The following PAQR9 variants were observed in gnomAD, a reference collection of about 807,000 sequenced individuals.
The protein encoded by PAQR9 is membrane progestin receptor epsilon.
Under a neutral mutation model 24.0 loss-of-function variants are expected in PAQR9, and 12 were observed. The ratio of observed to expected loss-of-function variants is 0.50; its 90% CI spans 0.32 to 0.81. PAQR9 has a LOEUF of 0.81. Among genes scored for constraint, PAQR9 ranks in the 30% least tolerant of loss-of-function variants. The pLI is 0.03. For missense variants in PAQR9, 418 were observed against 520.8 expected (o/e 0.80, Z 1.92); for synonymous variants, 266 against 237.6 (o/e 1.12, Z -1.10).
chr3:142,954,435 T>C (rs190252300), downstream of PAQR9, among the ~76,000 whole-genome samples: 486 of 152,362 alleles, frequency 3.2e-3, 1 homozygote, highest in African/African-American at 0.011. Context: ...ACTTATACTC[T>C]TGCCTTCTGC....
chr3:142,953,845 G>A (rs554181486), downstream of PAQR9, among the ~76,000 whole-genome samples: 49 of 152,258 alleles, frequency 3.2e-4, no homozygotes, highest in East Asian at 3.1e-3. Context: ...TCTTTTCCAG[G>A]AATTTGAATT....
At position 142,959,559 on chromosome 3, in the gene PAQR9, C is replaced by T. The variant is rs995162833; in HGVS notation, c.*2644G>A. ...GGCAAAGGGAAGAGGAAAGTGAATCCTCATTCTCTCTGGGACATACTGGGT... is the reference window on the plus strand; with the variant it reads ...GGCAAAGGGAAGAGGAAAGTGAATCTTCATTCTCTCTGGGACATACTGGGT... On this transcript the variant is annotated 3_prime_UTR_variant, in exon 1 of 1. Transcript: ENST00000340634. Among the ~76,000 whole-genome samples the T allele has an allele frequency of 2.0e-5, 3 of 152,144 alleles. No homozygotes were observed. Among genetic ancestry groups the T allele is most frequent in the African/African-American group, 7.2e-5 (3 of 41,414 alleles).
rs1442738438 is a variant in PAQR9, at chr3:142,962,998, G to A, written c.339C>T (p.Pro113=). The change falls in exon 1 of 1, where the codon CCC becomes CCT. Residue 113 remains proline (P), a synonymous_variant. Transcript: ENST00000340634. ...RLFFLSGGDV[P]FHHPWLLPLW... ...ACGGTAGCAGCCACGGGTGGTGGAA[G>A]GGCACGTCGCCGCCGCTCAGGAAGA... is the stretch of plus-strand genomic sequence containing the variant. 3 of 1,614,016 alleles carry A rather than the reference G, an allele frequency of 1.9e-6. No homozygotes were observed. The African/African-American group carries it at 4.0e-5, about 22-fold the overall frequency.
chr3:142,962,724 G>A lies in PAQR9; in HGVS notation c.613C>T (p.Leu205Phe). The A allele has an allele frequency of 6.2e-7, 1 of 1,612,574 alleles. No homozygotes were observed. Among genetic ancestry groups the A allele is most frequent in the Non-Finnish European group, 8.5e-7 (1 of 1,179,694 alleles). Residue 205 changes from leucine (L) to phenylalanine (F), a missense_variant, in exon 1 of 1, where the codon CTT becomes TTT. By Grantham distance (22) the Leu-to-Phe change is conservative. Around this residue, in one of 3 missense-constraint regions of PAQR9, gnomAD observed 230 missense variants for 305.2 expected, o/e 0.75. Transcript: ENST00000340634. ...ACCAGGGCGCGGTAGGCGGCGATAA[G>A]GCGCGTGCAGTCCACGTGCCAGCCC... ...RLGWHVDCTR[L>F]IAAYRALVLP... is the part of the protein sequence containing the mutation.
At position 142,963,494 on chromosome 3, in the gene PAQR9, T is replaced by A. The variant is rs1384027907; in HGVS notation, c.-158A>T. 1 of 1,027,862 alleles carries A rather than the reference T, an allele frequency of 9.7e-7. No homozygotes were observed. Among genetic ancestry groups the A allele is most frequent in the Non-Finnish European group, 1.2e-6 (1 of 860,110 alleles). 63.7% of individuals were successfully genotyped at this position (1,027,862 alleles called of 1,614,324 possible). ...ACCCGTGCCTCCGAGCAGCCGCTCC[T>A]AAAAATTAAATAAATCAATAAGAGA... On this transcript the variant is annotated 5_prime_UTR_variant, in exon 1 of 1. Coordinates refer to ENST00000340634, the MANE Select transcript of PAQR9 (RefSeq NM_198504.4).
downstream of PAQR9, chr3:142,951,413 A>C (rs531334760): frequency 1.6e-4 from 30 of 185,424 alleles, no homozygotes; most frequent in Non-Finnish European, 3.2e-4. Flanking sequence ...TTTGCCAAGG[A>C]AAATTAAAGA....
chr3:142,963,710 G>T, upstream of PAQR9: 1 of 761,290 alleles, frequency 1.3e-6, no homozygotes, highest in Non-Finnish European at 1.6e-6. Context: ...CGCCGCCGCC[G>T]CCCCCGGAGC....
chr3:142,963,401 A>T lies in PAQR9; in HGVS notation c.-65T>A. 4 of 1,091,448 alleles carry T rather than the reference A, an allele frequency of 3.7e-6. No individual in the cohort carries two copies. The highest frequency in any genetic ancestry group is 4.4e-6 in the Non-Finnish European group (4 of 900,662). 67.6% of individuals were successfully genotyped at this position (1,091,448 alleles called of 1,614,324 possible). On this transcript the variant is annotated 5_prime_UTR_variant, in exon 1 of 1. Coordinates refer to ENST00000340634, the MANE Select transcript of PAQR9 (RefSeq NM_198504.4). ...TGGCGCCGGCTCCCGGGCGCTGGGCAGCCCCCGCCGGCCGCCGTCGGAGCC... is the reference window on the plus strand; with the variant it reads ...TGGCGCCGGCTCCCGGGCGCTGGGCTGCCCCCGCCGGCCGCCGTCGGAGCC...
At position 142,957,029 on chromosome 3, in the gene PAQR9, A is replaced by G. The variant is rs973552037; in HGVS notation, c.*5174T>C. On this transcript the variant is annotated 3_prime_UTR_variant, in exon 1 of 1. Transcript: ENST00000340634. ...GCTTGTTCGCTTTTTGTCAGGTGAT[A>G]TATGTCAGAGAATATTGACAATCCT... Among the ~76,000 whole-genome samples the G allele has an allele frequency of 1.3e-5, 2 of 152,230 alleles. No individual in the cohort carries two copies. Among genetic ancestry groups the G allele is most frequent in the Non-Finnish European group, 2.9e-5 (2 of 68,038 alleles).
Position 142,963,065 on chromosome 3 carries a change from A to C in PAQR9, c.272T>G (p.Phe91Cys). ...GCTCAGGAACAGCAGCAGCGGGATG[A>C]AGTGCGTCCAGAAGTTGAGCGTCTC... The part of the protein sequence containing the change: ...TNETLNFWTH[F>C]IPLLLFLSKF... The change falls in exon 1 of 1, where the codon TTC (phenylalanine) becomes TGC (cysteine). Residue 91 changes from phenylalanine to cysteine, a missense_variant. By Grantham distance (205) the Phe-to-Cys change is radical. Coordinates refer to ENST00000340634, the MANE Select transcript of PAQR9 (RefSeq NM_198504.4). 1 of 1,614,132 alleles carries C rather than the reference A, an allele frequency of 6.2e-7. No homozygotes were observed. The highest frequency in any genetic ancestry group is 2.2e-5 in the East Asian group (1 of 44,860).
In PAQR9 at chr3:142,959,368, G is replaced by A. The variant is rs990145295; in HGVS notation, c.*2835C>T. 1.3e-5 allele frequency among the ~76,000 whole-genome samples: 2 copies of A among 152,132 alleles called. No homozygotes were observed. The highest frequency in any genetic ancestry group is 1.5e-5 in the Non-Finnish European group (1 of 68,032). On this transcript the variant is annotated 3_prime_UTR_variant, in exon 1 of 1. Transcript: ENST00000340634. ...ATTTAATAAATTCAGCAAATAAACT[G>A]TATAGTTTAACAAATCATCCCTGGC...
At chr3:142,951,152 A>C (rs1357869332), downstream of PAQR9, among the ~76,000 whole-genome samples, 1 of 152,156 alleles carries the variant, frequency 6.6e-6, no homozygotes, top group African/African-American at 2.4e-5. Flanking sequence ...CCTAGCCTCA[A>C]GTGACCCGCC....
At chr3:142,953,680 T>C (rs1010581896), downstream of PAQR9, among the ~76,000 whole-genome samples, 1 of 152,174 alleles carries the variant, frequency 6.6e-6, no homozygotes, top group Non-Finnish European at 1.5e-5. Flanking sequence ...ATGGGTTGGA[T>C]GAAGTGGACA....
chr3:142,950,154 A>G (rs561613176), downstream of PAQR9: 7 of 152,204 alleles, frequency 4.6e-5, no homozygotes, highest in East Asian at 1.3e-3. Context: ...TAAATTCCCA[A>G]CCTGATAATT....
rs964872472 is a variant in PAQR9, at chr3:142,957,993, T to G, written c.*4210A>C. ...GGCCAGAGAGACTTTCTGGGGCTTC[T>G]CTCTTCCACCAGAAGACAAAAGGGT... On this transcript the variant is annotated 3_prime_UTR_variant, in exon 1 of 1. Coordinates refer to ENST00000340634, the MANE Select transcript of PAQR9 (RefSeq NM_198504.4). 6.6e-6 allele frequency among the ~76,000 whole-genome samples: 1 copy of G among 152,196 alleles called. No individual in the cohort carries two copies. Among genetic ancestry groups the G allele is most frequent in the African/African-American group, 2.4e-5 (1 of 41,448 alleles).
In PAQR9 at chr3:142,956,861, A is replaced by G. The variant is rs528642617; in HGVS notation, c.*5342T>C. Among the ~76,000 whole-genome samples the G allele has an allele frequency of 1.3e-5, 2 of 152,226 alleles. No homozygotes were observed. The highest frequency in any genetic ancestry group is 1.3e-4 in the Admixed American group (2 of 15,284). On this transcript the variant is annotated 3_prime_UTR_variant, in exon 1 of 1. Transcript: ENST00000340634. ...TTGGAAGAGTGACTAAGAAGAACTG[A>G]CATCCATTTTCACAATTAAGAAATA...
rs1934901151 is a variant in PAQR9 at position 142,962,058 on chromosome 3, A to G, written c.*145T>C. On this transcript the variant is annotated 3_prime_UTR_variant, in exon 1 of 1. Transcript: ENST00000340634. Reference sequence around the variant, plus strand: ...CTCCAGTGGGTTGGGATCCCTTTGTAGCAGTGAACTTTTTCCCTATGGTTT... The same window carrying G: ...CTCCAGTGGGTTGGGATCCCTTTGTGGCAGTGAACTTTTTCCCTATGGTTT... The G allele has an allele frequency of 4.1e-6, 4 of 984,954 alleles. No homozygotes were observed. The highest frequency in any genetic ancestry group is 6.1e-6 in the Non-Finnish European group (4 of 660,872). The allele number at this position is 984,954 out of a possible 1,614,324, so 61.0% of individuals were successfully genotyped here. A position where few individuals can be genotyped will look rare whatever the true frequency, so the allele number is the denominator to read the frequency against.
chr3:142,950,419 T>C (rs569029145), downstream of PAQR9: 1 of 216,334 alleles, frequency 4.6e-6, no homozygotes, highest in East Asian at 1.1e-4. Context: ...TGACTTCATG[T>C]CTCTGATGGA....
downstream of PAQR9, chr3:142,951,643 T>C (rs1007317685): frequency 1.5e-5 from 7 of 452,104 alleles, no homozygotes; most frequent in Non-Finnish European, 3.1e-5. Context: ...GACTCAAGGT[T>C]TTCTGAACAA....
Sources: gnomAD v4.1 joint callset for allele counts (sites outside exome capture counted in the v4.1 genomes callset) on GRCh38, gnomAD v4.1.1 for gene constraint, gnomAD v4.1.1 regional missense constraint, MANE v1.5 for transcripts, NCBI Gene and HGNC (gene_info 2026-07-23, HGNC 2026-07-21) for gene names.